The following TRMT11 variants were observed in gnomAD, a reference collection of about 807,000 sequenced individuals.
TRMT11 encodes tRNA (guanine(10)-N(2))-methyltransferase TRMT11.
TRMT11 carries 53 observed loss-of-function variants against 62.8 expected under a neutral mutation model. That is an observed-to-expected ratio of 0.84 (90% CI 0.68 to 1.06). TRMT11 has a LOEUF of 1.06. TRMT11 is among the 50% of genes least tolerant of loss of function. TRMT11 has a pLI of 0.00. For missense variants in TRMT11, 556 were observed against 553.4 expected (o/e 1.00, Z -0.05); for synonymous variants, 188 against 190.3 (o/e 0.99, Z 0.10).
chr6:126,258,548 T>C, the TRMT11 span, among the ~76,000 whole-genome samples: 1 of 152,246 alleles, frequency 6.6e-6, no homozygotes, highest in African/African-American at 2.4e-5. Context: ...TATTACAGAA[T>C]CAATTTTCTC....
chr6:126,075,151 G>T (rs1222397756), intron 17 of TRMT11, among the ~76,000 whole-genome samples: 1 of 152,122 alleles, frequency 6.6e-6, no homozygotes, highest in Non-Finnish European at 1.5e-5. Flanking sequence ...TAATCAGGAA[G>T]ACACATGCAG....
At chr6:126,058,896 T>G (rs563469156) in intron 17 of TRMT11, among the ~76,000 whole-genome samples, 1 of 152,254 alleles carries the variant, frequency 6.6e-6, no homozygotes, top group African/African-American at 2.4e-5. Flanking sequence ...CGGAGATGAC[T>G]GAGCTGGCTG....
At chr6:126,001,882 G>T (rs1172555091) in intron 7 of TRMT11, among the ~76,000 whole-genome samples, 1 of 151,922 alleles carries the variant, frequency 6.6e-6, no homozygotes, top group Admixed American at 6.6e-5. Flanking sequence ...TTTTCTATTT[G>T]TTATTAATAT....
At chr6:126,086,671 A>G (rs1237470110) in intron 17 of TRMT11, among the ~76,000 whole-genome samples, 4 of 152,126 alleles carry the variant, frequency 2.6e-5, no homozygotes, top group Non-Finnish European at 4.4e-5. Context: ...AGTTAAGTTC[A>G]TGATCTTTGG....
chr6:126,049,886 A>G (rs1298317177), intron 16 of TRMT11, among the ~76,000 whole-genome samples: 1 of 152,202 alleles, frequency 6.6e-6, no homozygotes, highest in East Asian at 1.9e-4. Flanking sequence ...GAAAGTTCAG[A>G]TGTGAGAATG....
intron 12 of TRMT11, among the ~76,000 whole-genome samples, chr6:126,032,552 C>A (rs912709817): frequency 6.6e-6 from 1 of 152,104 alleles, no homozygotes. Flanking sequence ...TTTAATTCAT[C>A]CTTTAGGTCT....
chr6:126,242,418 G>A, the TRMT11 span, among the ~76,000 whole-genome samples: 9 of 152,158 alleles, frequency 5.9e-5, no homozygotes, highest in Admixed American at 5.9e-4. Flanking sequence ...TTTCTTCACA[G>A]AATTGGAAAA....
chr6:126,219,278 A>G, the TRMT11 span, among the ~76,000 whole-genome samples: 2 of 152,274 alleles, frequency 1.3e-5, no homozygotes, highest in Admixed American at 1.3e-4. Flanking sequence ...CTTTCTGGCC[A>G]TCTTGCTTCA....
intron 17 of TRMT11, among the ~76,000 whole-genome samples, chr6:126,107,404 C>A (rs1411895178): frequency 6.6e-6 from 1 of 152,128 alleles, no homozygotes; most frequent in African/African-American, 2.4e-5. Context: ...GCAGGATACC[C>A]TGACAAGGTA....
intron 1 of TRMT11, among the ~76,000 whole-genome samples, chr6:126,190,357 T>G (rs1258263714): frequency 6.6e-6 from 1 of 151,988 alleles, no homozygotes; most frequent in Admixed American, 6.6e-5. Flanking sequence ...AGGGAGTGAG[T>G]TCTCATGAGA....
At chr6:126,248,092 C>T in the TRMT11 span, among the ~76,000 whole-genome samples, 63 of 152,064 alleles carry the variant, frequency 4.1e-4, no homozygotes, top group Admixed American at 7.2e-4. Context: ...TATAAGTAAA[C>T]GCCCAGCCAA....
At chr6:126,087,080 G>T (rs1777224273) in intron 17 of TRMT11, among the ~76,000 whole-genome samples, 1 of 152,174 alleles carries the variant, frequency 6.6e-6, no homozygotes, top group South Asian at 2.1e-4. Flanking sequence ...AAATATCTAA[G>T]AGTTTCCTAC....
chr6:126,049,636 G>T (rs936112544), intron 16 of TRMT11, among the ~76,000 whole-genome samples: 3 of 144,616 alleles, frequency 2.1e-5, no homozygotes, highest in African/African-American at 7.7e-5. Context: ...GTCTGGTTGG[G>T]GTGATGAGAC....
chr6:126,214,000 C>T, the TRMT11 span, among the ~76,000 whole-genome samples: 3 of 151,898 alleles, frequency 2.0e-5, no homozygotes, highest in Non-Finnish European at 4.4e-5. Context: ...TTGAAATGTT[C>T]ATGGTTTTTG....
chr6:126,137,898 T>C (rs1027483017), intron 21 of TRMT11, among the ~76,000 whole-genome samples: 2 of 151,822 alleles, frequency 1.3e-5, no homozygotes, highest in East Asian at 1.9e-4. Context: ...TTTTGAATCA[T>C]AGGTAGGGGC....
chr6:126,259,840 CTA>C, the TRMT11 span, among the ~76,000 whole-genome samples: 1 of 152,116 alleles, frequency 6.6e-6, no homozygotes, highest in Non-Finnish European at 1.5e-5. Context: ...CCTCTTTTTA[CTA>C]TATGTTACTG....
At chr6:126,015,479 C>G (rs908327321) in intron 11 of TRMT11, among the ~76,000 whole-genome samples, 1 of 151,946 alleles carries the variant, frequency 6.6e-6, no homozygotes, top group East Asian at 1.9e-4. Flanking sequence ...CCACTTGCCT[C>G]GGTGCTGGGA....
chr6:126,003,179 A>T (rs752291519), intron 7 of TRMT11, among the ~76,000 whole-genome samples: 1 of 152,154 alleles, frequency 6.6e-6, no homozygotes, highest in East Asian at 1.9e-4. Context: ...AGCTTATCCA[A>T]CCCGCAGCCC....
intron 21 of TRMT11, among the ~76,000 whole-genome samples, chr6:126,156,820 G>A (rs991925516): frequency 3.9e-5 from 6 of 152,128 alleles, no homozygotes; most frequent in South Asian, 4.1e-4. Flanking sequence ...TGAGAGATCT[G>A]CCCCCAGGAT....
Sources: gnomAD v4.1 joint callset for allele counts (sites outside exome capture counted in the v4.1 genomes callset) on GRCh38, gnomAD v4.1.1 for gene constraint, MANE v1.5 for transcripts, NCBI Gene and HGNC (gene_info 2026-07-23, HGNC 2026-07-21) for gene names.